Variants in GCG observed in about 807,000 individuals in gnomAD.
The protein encoded by GCG is pro-glucagon.
A neutral mutation model predicts 22.8 loss-of-function variants in GCG; 11 were observed. That is an observed-to-expected ratio of 0.48 (90% CI 0.30 to 0.80). The LOEUF is 0.80. GCG is among the 30% of genes least tolerant of loss of function. The pLI, the probability that GCG is intolerant of heterozygous loss-of-function variation, is 0.06. For missense variants in GCG, 222 were observed against 222.0 expected, an observed-to-expected ratio of 1.00 and a Z score of 0.00; for synonymous variants, 89 against 72.4, an observed-to-expected ratio of 1.23 and a Z score of -1.16.
intron 3 of GCG, among the ~76,000 whole-genome samples, chr2:162,146,457 G>A (rs1049568136): frequency 6.6e-6 from 1 of 151,776 alleles, no homozygotes; most frequent in African/African-American, 2.4e-5. Flanking sequence ...GACCATGATA[G>A]CCATCTTCCT....
At chr2:162,148,963 A>C in intron 2 of GCG, 124 bp downstream of exon 2, 1 of 629,768 alleles carries the variant, frequency 1.6e-6, no homozygotes, top group Non-Finnish European at 2.8e-6. Context: ...AGGATACTTT[A>C]AACATTTGAT....
At position 162,148,951 on chromosome 2, in the gene GCG, C is replaced by A. The variant is rs551793449; in HGVS notation, c.92+136G>T. ...ACTCCAACAAAGTCTGCTTTTATCA[C>A]AAGGATACTTTAAACATTTGATCAT... On this transcript the variant is annotated intron_variant, in intron 2 of 5. Coordinates refer to ENST00000418842, the MANE Select transcript of GCG (RefSeq NM_002054.5). The A allele has an allele frequency of 4.5e-4, 268 of 596,264 alleles. 1 individual carries two copies. Among genetic ancestry groups the A allele is most frequent in the Non-Finnish European group, 7.3e-4 (246 of 337,980 alleles). The allele number at this position is 596,264 out of a possible 1,614,324, so 36.9% of individuals were successfully genotyped here.
intron 3 of GCG, among the ~76,000 whole-genome samples, chr2:162,146,840 A>G (rs923391750): frequency 1.3e-5 from 2 of 151,922 alleles, no homozygotes; most frequent in Non-Finnish European, 2.9e-5. Context: ...TTGTGTTCTT[A>G]TTTGCTGCCT....
At chr2:162,148,003 A>G (rs980132011) in intron 2 of GCG, among the ~76,000 whole-genome samples, 1 of 152,132 alleles carries the variant, frequency 6.6e-6, no homozygotes, top group African/African-American at 2.4e-5. Flanking sequence ...AAGGCAAGAA[A>G]AAGGATACTT....
chr2:162,143,436 G>T, intron 5 of GCG, 66 bp from the exon 6 acceptor site: 1 of 630,862 alleles, frequency 1.6e-6, no homozygotes, highest in Non-Finnish European at 2.7e-6. Context: ...AACTTATCCA[G>T]AAAATATTTC....
rs1686628564 is a variant in GCG at position 162,144,370 on chromosome 2, T to C, written c.393-200A>G. On this transcript the variant is annotated intron_variant, in intron 4 of 5. Coordinates refer to ENST00000418842, the MANE Select transcript of GCG (RefSeq NM_002054.5). Reference sequence around the variant, plus strand: ...GAAAGAGAAAGTAGCAGAGCTGGGATCTAATACCAAGCCTGCATAATTTCA... The same window carrying C: ...GAAAGAGAAAGTAGCAGAGCTGGGACCTAATACCAAGCCTGCATAATTTCA... 3.6e-6 allele frequency: 2 copies of C among 557,338 alleles called. 1 individual carries two copies. The highest frequency in any genetic ancestry group is 6.4e-6 in the Non-Finnish European group (2 of 313,466). 34.5% of individuals were successfully genotyped at this position (557,338 alleles called of 1,614,324 possible).
At chr2:162,145,991 A>T (rs1686673817) in intron 3 of GCG, among the ~76,000 whole-genome samples, 1 of 152,186 alleles carries the variant, frequency 6.6e-6, no homozygotes, top group African/African-American at 2.4e-5. Flanking sequence ...CAATGGATAC[A>T]GGCTATCCAC....
At chr2:162,143,926 A>T in intron 5 of GCG, 101 bp downstream of exon 5, 1 of 900,098 alleles carries the variant, frequency 1.1e-6, no homozygotes. Context: ...ATAATAAGAG[A>T]TTATAGACTT....
At chr2:162,144,396 T>A in intron 4 of GCG, 1 of 504,580 alleles carries the variant, frequency 2.0e-6, no homozygotes. Flanking sequence ...CATAATTTCA[T>A]GCCCTTTTCA....
intron 1 of GCG, among the ~76,000 whole-genome samples, chr2:162,151,326 G>C (rs1442731317): frequency 6.6e-6 from 1 of 151,986 alleles, no homozygotes; most frequent in Non-Finnish European, 1.5e-5. Context: ...TTTCAAACTG[G>C]TTAGCTCATT....
Position 162,144,177 on chromosome 2 carries a change from A to T in GCG, c.393-7T>A. On this transcript the variant is annotated splice_polypyrimidine_tract_variant and splice_region_variant and intron_variant, in intron 4 of 5. Coordinates refer to ENST00000418842, the MANE Select transcript of GCG (RefSeq NM_002054.5). Reference sequence around the variant, plus strand: ...GGCGACCTCTTCTGGGAAACTAAGAAAATAAGTGTTAAAATTAGCGTTTGA... The same window carrying T: ...GGCGACCTCTTCTGGGAAACTAAGATAATAAGTGTTAAAATTAGCGTTTGA... 6.2e-7 allele frequency: 1 copy of T among 1,605,748 alleles called. No homozygotes were observed. Among genetic ancestry groups the T allele is most frequent in the East Asian group, 2.2e-5 (1 of 44,824 alleles).
rs1041346651 is a variant in GCG, at chr2:162,145,475, A to C, written c.392+65T>G. On this transcript the variant is annotated intron_variant, in intron 4 of 5. Transcript: ENST00000418842. Reference sequence around the variant, plus strand: ...TTCTGTAATCCAGATCCATATATAGATAACTGTAGTCTTAAATTTTCTGCA... The same window carrying C: ...TTCTGTAATCCAGATCCATATATAGCTAACTGTAGTCTTAAATTTTCTGCA... 34 of 1,325,910 alleles carry C rather than the reference A, an allele frequency of 2.6e-5. No homozygotes were observed. In the Middle Eastern group the frequency reaches 9.5e-4, roughly 37 times the overall value. The allele number at this position is 1,325,910 out of a possible 1,614,324, so 82.1% of individuals were successfully genotyped here.
At chr2:162,143,417 G>A in intron 5 of GCG, 47 bp from the exon 6 acceptor site, 1 of 736,826 alleles carries the variant, frequency 1.4e-6, no homozygotes, top group South Asian at 2.0e-5. Flanking sequence ...ATAATAAGAT[G>A]ATATCATTAA....
intron 2 of GCG, among the ~76,000 whole-genome samples, chr2:162,148,649 A>G (rs755901551): frequency 5.1e-4 from 78 of 152,126 alleles, no homozygotes; most frequent in Non-Finnish European, 8.4e-4. Context: ...TGGACAGAGG[A>G]ATTTTGAGTA....
At chr2:162,151,566 C>T (rs1320439539) in intron 1 of GCG, among the ~76,000 whole-genome samples, 1 of 152,078 alleles carries the variant, frequency 6.6e-6, no homozygotes, top group African/African-American at 2.4e-5. Flanking sequence ...GAAAACCCCC[C>T]AAATAGATGA....
intron 1 of GCG, among the ~76,000 whole-genome samples, chr2:162,150,349 A>G (rs1384569137): frequency 6.6e-6 from 1 of 152,180 alleles, no homozygotes; most frequent in African/African-American, 2.4e-5. Context: ...CACAAATATT[A>G]TCATTTTTAA....
At chr2:162,147,042 T>C (rs1444333510) in intron 3 of GCG, among the ~76,000 whole-genome samples, 1 of 152,118 alleles carries the variant, frequency 6.6e-6, no homozygotes, top group African/African-American at 2.4e-5. Flanking sequence ...GGTAACCTCG[T>C]AGGTCCACAA....
At chr2:162,150,001 G>A (rs1686793446) in intron 1 of GCG, among the ~76,000 whole-genome samples, 1 of 152,136 alleles carries the variant, frequency 6.6e-6, no homozygotes, top group African/African-American at 2.4e-5. Flanking sequence ...CACTGCTGGT[G>A]ACACCATAGA....
chr2:162,146,410 G>A (rs1686684707), intron 3 of GCG, among the ~76,000 whole-genome samples: 1 of 152,014 alleles, frequency 6.6e-6, no homozygotes, highest in African/African-American at 2.4e-5. Flanking sequence ...ACCTTTCACT[G>A]TAGTCCTTAA....
Sources: gnomAD v4.1 joint callset for allele counts (sites outside exome capture counted in the v4.1 genomes callset) on GRCh38, gnomAD v4.1.1 for gene constraint, MANE v1.5 for transcripts, NCBI Gene and HGNC (gene_info 2026-07-23, HGNC 2026-07-21) for gene names.